LMO7: variants seen among roughly 807,000 people sequenced by gnomAD.
LMO7 encodes LIM domain only protein 7.
LMO7 carries 120 observed loss-of-function variants against 206.5 expected under a neutral mutation model. The ratio of observed to expected loss-of-function variants is 0.58; its 90% CI spans 0.50 to 0.68. The LOEUF is 0.68. Ranked by LOEUF, LMO7 falls within the 30% of genes least tolerant of loss-of-function variation. The probability of loss-of-function intolerance (pLI) is 0.00; values close to 1 mark genes in which losing one functional copy is unlikely to be tolerated. For missense variants in LMO7, 1,959 were observed against 1,957.9 expected (o/e 1.00, Z -0.01); for synonymous variants, 706 against 681.5 (o/e 1.04, Z -0.56).
At chr13:75,727,152 AG>A in intron 3 of LMO7, 54 bp downstream of exon 3, 3 of 1,142,130 alleles carry the variant, frequency 2.6e-6, no homozygotes, top group Non-Finnish European at 3.9e-6. Context: ...AAATGTAAAG[AG>A]GTGGGCATAG....
At position 75,853,391 on chromosome 13, in the gene LMO7, G is replaced by A. The variant is rs2060649134; in HGVS notation, c.4661+3G>A. On this transcript the variant is annotated splice_donor_region_variant and intron_variant, in intron 28 of 30. Transcript: ENST00000377534. ...TCAGGCTCTCAGCTGCGTAACAGGTGAGGCCCTTGCTGTTTCTCTTTCTTC... is the reference window on the plus strand; with the variant it reads ...TCAGGCTCTCAGCTGCGTAACAGGTAAGGCCCTTGCTGTTTCTCTTTCTTC... 10 of 1,576,350 alleles carry A rather than the reference G, an allele frequency of 6.3e-6. No individual in the cohort carries two copies. Among genetic ancestry groups the A allele is most frequent in the Non-Finnish European group, 8.6e-6 (10 of 1,160,152 alleles).
At chr13:75,627,687 C>T (rs895081556) in intron 2 of LMO7, 5 of 151,954 alleles carry the variant, frequency 3.3e-5, no homozygotes, top group East Asian at 1.9e-4. Flanking sequence ...AGATATCCTA[C>T]GGGAAACACA....
intron 4 of LMO7, among the ~76,000 whole-genome samples, chr13:75,781,064 T>TG (rs1170753135): frequency 1.3e-5 from 2 of 148,418 alleles, no homozygotes; most frequent in Non-Finnish European, 3.0e-5. Context: ...GATGATGTCT[T>TG]GGGAGTATTT....
intron 3 of LMO7, among the ~76,000 whole-genome samples, chr13:75,735,212 A>G (rs2138958674): frequency 6.6e-6 from 1 of 151,986 alleles, no homozygotes; most frequent in South Asian, 2.1e-4. Flanking sequence ...GTACTTCTCT[A>G]AAAATCATTC....
At chr13:75,699,952 G>A (rs1199804168) in intron 1 of LMO7, among the ~76,000 whole-genome samples, 1 of 152,150 alleles carries the variant, frequency 6.6e-6, no homozygotes, top group Non-Finnish European at 1.5e-5. Flanking sequence ...CCATTTTAGC[G>A]GCTTCCCCCA....
intron 1 of LMO7, among the ~76,000 whole-genome samples, chr13:75,675,446 C>T (rs901076575): frequency 6.6e-6 from 1 of 152,160 alleles, no homozygotes; most frequent in Non-Finnish European, 1.5e-5. Flanking sequence ...TAAGCTAGGT[C>T]TCATGATTAT....
intron 1 of LMO7, among the ~76,000 whole-genome samples, chr13:75,694,509 G>A (rs1193698050): frequency 1.3e-5 from 2 of 152,188 alleles, no homozygotes; most frequent in Non-Finnish European, 1.5e-5. Flanking sequence ...AAGTGTTAGG[G>A]TAGTAGAGGA....
Sources: gnomAD v4.1 joint callset for allele counts (sites outside exome capture counted in the v4.1 genomes callset) on GRCh38, gnomAD v4.1.1 for gene constraint, MANE v1.5 for transcripts, NCBI Gene and HGNC (gene_info 2026-07-23, HGNC 2026-07-21) for gene names.